The following ROBO1 variants were observed in gnomAD, a reference collection of about 807,000 sequenced individuals.
The protein encoded by ROBO1 is roundabout homolog 1.
In ROBO1, 149 loss-of-function variants were observed where a neutral mutation model predicts 195.9. The observed-to-expected ratio is 0.76, with a 90% confidence interval of 0.67 to 0.87. The LOEUF is 0.87. ROBO1 is among the 40% of genes least tolerant of loss of function. ROBO1 has a pLI of 0.00. For missense variants in ROBO1, 1,933 were observed against 2,068.3 expected, an observed-to-expected ratio of 0.93 and a Z score of 1.27; for synonymous variants, 816 against 733.2, an observed-to-expected ratio of 1.11 and a Z score of -1.82.
intron 2 of ROBO1, among the ~76,000 whole-genome samples, chr3:79,489,496 A>AT (rs751090188): frequency 1.3e-5 from 2 of 151,914 alleles, no homozygotes; most frequent in African/African-American, 2.4e-5. Flanking sequence ...TCTAATAAAA[A>AT]TTACAAAAAT....
At chr3:79,648,106 A>G (rs1171997367) in intron 1 of ROBO1, among the ~76,000 whole-genome samples, 1 of 152,114 alleles carries the variant, frequency 6.6e-6, no homozygotes, top group Non-Finnish European at 1.5e-5. Context: ...ATAGGGAGTT[A>G]GAACTGAGAT....
At chr3:79,301,849 G>A (rs554810309) in intron 2 of ROBO1, among the ~76,000 whole-genome samples, 1 of 152,158 alleles carries the variant, frequency 6.6e-6, no homozygotes, top group South Asian at 2.1e-4. Context: ...AACAGCTTTG[G>A]AAAATAAAAT....
intron 2 of ROBO1, among the ~76,000 whole-genome samples, chr3:79,446,655 A>G (rs960548170): frequency 6.6e-6 from 1 of 152,190 alleles, no homozygotes; most frequent in Non-Finnish European, 1.5e-5. Context: ...TTATTACAAT[A>G]TACCTCAGTG....
chr3:79,311,552 T>C (rs759014540), intron 2 of ROBO1, among the ~76,000 whole-genome samples: 8 of 152,174 alleles, frequency 5.3e-5, no homozygotes, highest in Non-Finnish European at 1.2e-4. Flanking sequence ...AGGTTAATCA[T>C]GCAGGTAAGA....
At chr3:79,727,071 G>A (rs1702956143) in intron 1 of ROBO1, among the ~76,000 whole-genome samples, 1 of 152,174 alleles carries the variant, frequency 6.6e-6, no homozygotes, top group Admixed American at 6.5e-5. Context: ...TGTCTAGACT[G>A]AATTAAAATG....
intron 4 of ROBO1, among the ~76,000 whole-genome samples, chr3:78,848,190 T>A (rs746509444): frequency 1.3e-5 from 2 of 152,130 alleles, no homozygotes; most frequent in Non-Finnish European, 2.9e-5. Context: ...AAGGGCAAAA[T>A]AGATGTTTAT....
intron 1 of ROBO1, among the ~76,000 whole-genome samples, chr3:79,699,593 A>G (rs1436279374): frequency 2.6e-5 from 4 of 151,646 alleles, no homozygotes; most frequent in African/African-American, 9.7e-5. Flanking sequence ...TCCTGAGTCC[A>G]TAGGTGAGGA....
intron 2 of ROBO1, among the ~76,000 whole-genome samples, chr3:79,180,921 G>A (rs1248914448): frequency 6.6e-6 from 1 of 152,138 alleles, no homozygotes; most frequent in African/African-American, 2.4e-5. Flanking sequence ...CATCTTGAAG[G>A]AGCCAACATC....
At chr3:79,324,518 A>T (rs2034123152) in intron 2 of ROBO1, among the ~76,000 whole-genome samples, 1 of 152,184 alleles carries the variant, frequency 6.6e-6, no homozygotes, top group African/African-American at 2.4e-5. Context: ...TTGGGGAGTG[A>T]CACTAAATTT....
At chr3:78,755,066 A>G (rs116790053) in intron 4 of ROBO1, among the ~76,000 whole-genome samples, 4,902 of 152,278 alleles carry the variant, frequency 0.032, 105 homozygotes, top group Non-Finnish European at 0.047. Flanking sequence ...TTTTATTTTA[A>G]TTCCAATGAG....
chr3:78,746,897 A>C lies in ROBO1; in HGVS notation c.503T>G (p.Leu168Arg). The change falls in exon 5 of 31, where the codon CTT becomes CGT. Residue 168 changes from leucine (L) to arginine (R), a missense_variant. Physicochemically the swap from Leu to Arg is moderately radical, Grantham distance 102. Coordinates refer to ENST00000464233, the MANE Select transcript of ROBO1 (RefSeq NM_002941.4). ...AGGGTTTTGTCTGAAGTCATCCCGA[A>C]GTACTGTAGGAACAAGATTAAATCA... Reference protein sequence around the residue: ...SHNASLEVAILRDDFRQNPSD... With the variant: ...SHNASLEVAIRRDDFRQNPSD... 1.3e-6 allele frequency: 2 copies of C among 1,556,340 alleles called. No homozygotes were observed. The highest frequency in any genetic ancestry group is 8.7e-7 in the Non-Finnish European group (1 of 1,143,976).
At chr3:79,726,103 C>T (rs1279195555) in intron 1 of ROBO1, among the ~76,000 whole-genome samples, 1 of 152,116 alleles carries the variant, frequency 6.6e-6, no homozygotes, top group Admixed American at 6.5e-5. Context: ...ATGTGAATGA[C>T]GATTTTCTTA....
At chr3:79,189,092 T>C (rs754368710) in intron 2 of ROBO1, among the ~76,000 whole-genome samples, 10 of 151,818 alleles carry the variant, frequency 6.6e-5, no homozygotes, top group Non-Finnish European at 1.0e-4. Flanking sequence ...TTTTATAAGC[T>C]GCCCAGTTTA....
intron 2 of ROBO1, among the ~76,000 whole-genome samples, chr3:79,382,837 G>A (rs995717447): frequency 5.9e-5 from 9 of 151,998 alleles, no homozygotes; most frequent in African/African-American, 2.2e-4. Flanking sequence ...AGTTGATTTG[G>A]AGCATAGGTG....
intron 4 of ROBO1, among the ~76,000 whole-genome samples, chr3:78,787,995 A>AG (rs1442642541): frequency 2.4e-5 from 3 of 123,480 alleles, no homozygotes; most frequent in African/African-American, 9.2e-5. Flanking sequence ...GCTGGAGTGC[A>AG]GGGGCACGAT....
intron 2 of ROBO1, among the ~76,000 whole-genome samples, chr3:79,215,576 G>C (rs986513228): frequency 2.0e-5 from 3 of 152,144 alleles, no homozygotes; most frequent in Non-Finnish European, 4.4e-5. Context: ...AGGACATCAA[G>C]GATTATGGTC....
intron 2 of ROBO1, among the ~76,000 whole-genome samples, chr3:79,399,789 A>G (rs2037294742): frequency 6.6e-6 from 1 of 152,152 alleles, no homozygotes; most frequent in Non-Finnish European, 1.5e-5. Flanking sequence ...GCTGTTTCAT[A>G]TTTTCCCACT....
At chr3:79,395,284 T>C (rs1575768522) in intron 2 of ROBO1, among the ~76,000 whole-genome samples, 1 of 133,584 alleles carries the variant, frequency 7.5e-6, no homozygotes, top group South Asian at 2.3e-4. Flanking sequence ...ATCCCGCCAC[T>C]GTACTCCAGC....
chr3:79,493,707 A>T (rs1939587920), intron 2 of ROBO1, among the ~76,000 whole-genome samples: 3 of 152,028 alleles, frequency 2.0e-5, no homozygotes, highest in Admixed American at 2.0e-4. Context: ...TTTTATTTTT[A>T]ATTTTTATGG....
Sources: allele counts gnomAD v4.1 joint callset (sites outside exome capture counted in the v4.1 genomes callset), GRCh38; gene constraint gnomAD v4.1.1; transcripts MANE v1.5; gene names NCBI Gene and HGNC (gene_info 2026-07-23, HGNC 2026-07-21).